UBE4B: variants seen among roughly 807,000 people sequenced by gnomAD.
The protein encoded by UBE4B is ubiquitin conjugation factor E4 B.
In UBE4B, 27 loss-of-function variants were observed where a neutral mutation model predicts 148.1. The observed-to-expected ratio is 0.18, with a 90% CI of 0.13 to 0.25. The LOEUF is 0.25. UBE4B is among the 10% of genes least tolerant of loss of function. UBE4B has a pLI of 1.00. For synonymous variants in UBE4B, 596 were observed against 619.3 expected, an observed-to-expected ratio of 0.96 and a Z score of 0.56; for missense variants, 1,170 against 1,662.4, an observed-to-expected ratio of 0.70 and a Z score of 5.15.
At chr1:10,063,614 G>A (rs1306979620) in intron 1 of UBE4B, among the ~76,000 whole-genome samples, 1 of 151,892 alleles carries the variant, frequency 6.6e-6, no homozygotes, top group Non-Finnish European at 1.5e-5. Flanking sequence ...GTTTTAAAAG[G>A]TACATCTGGG....
chr1:10,115,326 T>G (rs147650975), intron 7 of UBE4B, among the ~76,000 whole-genome samples: 3,333 of 151,824 alleles, frequency 0.022, 49 homozygotes, highest in Non-Finnish European at 0.033. Flanking sequence ...GGAGTGCAGT[T>G]GTGTGATCTC....
At chr1:10,128,000 AT>A (rs1645529358) in intron 11 of UBE4B, among the ~76,000 whole-genome samples, 1 of 152,244 alleles carries the variant, frequency 6.6e-6, no homozygotes, top group Non-Finnish European at 1.5e-5. Flanking sequence ...AAGTGGATTT[AT>A]GCCAGAGCTC....
intron 1 of UBE4B, among the ~76,000 whole-genome samples, chr1:10,062,590 G>A (rs1173564155): frequency 6.6e-6 from 1 of 152,234 alleles, no homozygotes; most frequent in Non-Finnish European, 1.5e-5. Context: ...GGGGCTGCAG[G>A]CGTAAGCCGC....
chr1:10,059,190 A>C (rs1644236783), intron 1 of UBE4B: 1 of 152,086 alleles, frequency 6.6e-6, no homozygotes. Context: ...AGATTGCGCC[A>C]TTGCATTCCA....
chr1:10,174,186 G>A (rs1348292453), intron 25 of UBE4B, among the ~76,000 whole-genome samples: 11 of 151,934 alleles, frequency 7.2e-5, no homozygotes, highest in Admixed American at 3.3e-4. Flanking sequence ...ATGAGGTCAG[G>A]AGTTCGAGAC....
rs995899025 is a variant in UBE4B, at chr1:10,107,392, T to C, written c.1196+809T>C. ...GGGTCCAGGTATCAGAGGAATGGAG[T>C]CTTACCCCTGCATGTGCGTAGATGC... On this transcript the variant is annotated intron_variant, in intron 7 of 27. Coordinates refer to ENST00000343090, the MANE Select transcript of UBE4B (RefSeq NM_001105562.3). 3 of 1,281,902 alleles carry C rather than the reference T, an allele frequency of 2.3e-6. No homozygotes were observed. In the African/African-American group the frequency reaches 4.6e-5, roughly 20 times the overall value. The allele number at this position is 1,281,902 out of a possible 1,614,324, so 79.4% of individuals were successfully genotyped here.
chr1:10,178,670 A>G lies in UBE4B; in HGVS notation c.3552A>G (p.Glu1184=). Residue 1184 remains glutamate, a synonymous_variant, in exon 26 of 28, where the codon GAA becomes GAG. Coordinates refer to ENST00000343090, the MANE Select transcript of UBE4B (RefSeq NM_001105562.3). ...DQRSYSKELF[E]EVISKMRKAG... The stretch of plus-strand genomic sequence containing the variant: ...GATCCTACAGTAAGGAATTGTTTGA[A>G]GAAGTTATTTCAAAGATGCGGAAGG... 6.2e-7 allele frequency: 1 copy of G among 1,612,992 alleles called. No homozygotes were observed. Among genetic ancestry groups the G allele is most frequent in the Non-Finnish European group, 8.5e-7 (1 of 1,179,698 alleles).
chr1:10,086,265 C>G (rs1004494141), intron 2 of UBE4B, among the ~76,000 whole-genome samples: 2 of 152,130 alleles, frequency 1.3e-5, no homozygotes, highest in Admixed American at 6.6e-5. Context: ...GCCACTGCGC[C>G]TGGCCAATTT....
At chr1:10,119,851 C>G (rs978916637) in intron 9 of UBE4B, among the ~76,000 whole-genome samples, 2 of 152,168 alleles carry the variant, frequency 1.3e-5, no homozygotes, top group Non-Finnish European at 2.9e-5. Context: ...AGAATTCTGC[C>G]TGCTTTTTGA....
At chr1:10,123,427 CAAAAA>C (rs34527607) in intron 10 of UBE4B, among the ~76,000 whole-genome samples, 3 of 35,670 alleles carry the variant, frequency 8.4e-5, no homozygotes, top group Admixed American at 3.1e-4. Context: ...AAGACTGTCT[CAAAAA>C]AAAAAAAAAA....
Position 10,086,423 on chromosome 1 carries a change from G to A in UBE4B, c.212-9038G>A, listed in dbSNP as rs1319563452. Among the ~76,000 whole-genome samples, 3 of 152,264 alleles carry A rather than the reference G, an allele frequency of 2.0e-5. No individual in the cohort carries two copies. The East Asian group carries it at 5.8e-4, about 29-fold the overall frequency. On this transcript the variant is annotated intron_variant, in intron 2 of 27. Coordinates refer to ENST00000343090, the MANE Select transcript of UBE4B (RefSeq NM_001105562.3). ...GTGAAATGTATTCTTAGTTATCAGG[G>A]AGGGGTTGCAGGGGAGAGGAAGTGA...
chr1:10,178,940 A>T, intron 26 of UBE4B, 122 bp downstream of exon 26: 1 of 1,059,618 alleles, frequency 9.4e-7, no homozygotes, highest in Non-Finnish European at 1.3e-6. Flanking sequence ...TTTTTGAGAC[A>T]ATCTGTCTTA....
intron 21 of UBE4B, among the ~76,000 whole-genome samples, chr1:10,157,401 C>T (rs957507368): frequency 1.3e-5 from 2 of 152,002 alleles, no homozygotes; most frequent in African/African-American, 2.4e-5. Context: ...CACTTGAGCC[C>T]GAGAGGTTGA....
chr1:10,127,727 C>T (rs947734181), intron 11 of UBE4B, among the ~76,000 whole-genome samples: 1 of 152,120 alleles, frequency 6.6e-6, no homozygotes, highest in Admixed American at 6.6e-5. Flanking sequence ...TCATTACTGA[C>T]GATCTGTTCT....
At chr1:10,134,316 G>A (rs1005829672) in intron 15 of UBE4B, among the ~76,000 whole-genome samples, 3 of 152,014 alleles carry the variant, frequency 2.0e-5, no homozygotes, top group African/African-American at 7.2e-5. Flanking sequence ...TTCGAGACCA[G>A]CCTGGCCAAT....
chr1:10,062,144 G>A (rs566237861), intron 1 of UBE4B, among the ~76,000 whole-genome samples: 15 of 151,838 alleles, frequency 9.9e-5, no homozygotes, highest in African/African-American at 3.6e-4. Context: ...TCTTGACCTC[G>A]TGATCCACCC....
At chr1:10,124,896 CA>C in intron 10 of UBE4B, among the ~76,000 whole-genome samples, 1 of 151,978 alleles carries the variant, frequency 6.6e-6, no homozygotes. Flanking sequence ...GAGGCCGAGG[CA>C]GGTGGATCGC....
At chr1:10,064,651 C>A (rs905499687) in intron 1 of UBE4B, among the ~76,000 whole-genome samples, 2 of 152,126 alleles carry the variant, frequency 1.3e-5, no homozygotes, top group East Asian at 3.8e-4. Flanking sequence ...TTTCCTCTCT[C>A]AACAGCCCTG....
chr1:10,052,722 T>C (rs1644075689), intron 1 of UBE4B, among the ~76,000 whole-genome samples: 1 of 152,210 alleles, frequency 6.6e-6, no homozygotes, highest in Admixed American at 6.5e-5. Context: ...TTGGTTGTCA[T>C]TGACTTTTTC....
Sources: allele counts gnomAD v4.1 joint callset (sites outside exome capture counted in the v4.1 genomes callset), GRCh38; gene constraint gnomAD v4.1.1; transcripts MANE v1.5; gene names NCBI Gene and HGNC (gene_info 2026-07-23, HGNC 2026-07-21).